Variants in FGF5 observed in about 807,000 individuals in gnomAD.
FGF5 encodes heparin-binding growth factor 5.
FGF5 carries 23 observed loss-of-function variants against 21.8 expected under a neutral mutation model. The ratio of observed to expected loss-of-function variants is 1.05; its 90% CI spans 0.76 to 1.49. FGF5 has a LOEUF of 1.49. Ranked by LOEUF, FGF5 falls within the 40% of genes most tolerant of loss-of-function variation. The pLI is 0.00. For missense variants in FGF5, 352 were observed against 332.9 expected (o/e 1.06, Z -0.45); for synonymous variants, 158 against 124.0 (o/e 1.27, Z -1.82).
intron 1 of FGF5, among the ~76,000 whole-genome samples, chr4:80,270,293 T>C (rs1000317588): frequency 2.0e-5 from 3 of 152,194 alleles, no homozygotes; most frequent in African/African-American, 7.2e-5. Context: ...TTAAACCTAA[T>C]AATATTCTGT....
intron 2 of FGF5, among the ~76,000 whole-genome samples, chr4:80,278,723 C>T (rs535689207): frequency 2.6e-5 from 4 of 152,070 alleles, no homozygotes; most frequent in Non-Finnish European, 4.4e-5. Context: ...ATGTGGGCTC[C>T]CTGGACTCAT....
intron 1 of FGF5, among the ~76,000 whole-genome samples, chr4:80,270,288 C>G (rs920115958): frequency 2.0e-5 from 3 of 152,154 alleles, no homozygotes; most frequent in Non-Finnish European, 4.4e-5. Context: ...TTATTTTAAA[C>G]CTAATAATAT....
rs1720823410 is a variant in FGF5, at chr4:80,289,051, T to C, written c.*2379T>C. Reference sequence around the variant, plus strand: ...GCTCTGTCACCAGGCTGGAGTGCAGTGGCATGATCTCGGCTCACTGCAACC... The same window carrying C: ...GCTCTGTCACCAGGCTGGAGTGCAGCGGCATGATCTCGGCTCACTGCAACC... On this transcript the variant is annotated 3_prime_UTR_variant, in exon 3 of 3. Coordinates refer to ENST00000312465, the MANE Select transcript of FGF5 (RefSeq NM_004464.4). The C allele has an allele frequency of 6.6e-6, 1 of 151,164 alleles. No individual in the cohort carries two copies. The highest frequency in any genetic ancestry group is 2.4e-5 in the African/African-American group (1 of 40,846). The allele number at this position is 151,164 out of a possible 1,614,324, so 9.4% of individuals were successfully genotyped here.
intron 2 of FGF5, among the ~76,000 whole-genome samples, chr4:80,283,979 C>T (rs1485738289): frequency 1.3e-5 from 2 of 152,086 alleles, no homozygotes; most frequent in African/African-American, 2.4e-5. Context: ...GACAAATCTA[C>T]AATGAATTTG....
At chr4:80,267,467 G>C (rs998030313) in intron 1 of FGF5, among the ~76,000 whole-genome samples, 1 of 152,284 alleles carries the variant, frequency 6.6e-6, no homozygotes, top group East Asian at 1.9e-4. Context: ...CCTCAAAGAC[G>C]AGTCCCCAGC....
chr4:80,268,379 C>T (rs1720161240), intron 1 of FGF5: 1 of 561,676 alleles, frequency 1.8e-6, no homozygotes, highest in Non-Finnish European at 2.3e-6. Context: ...CAGCAGCGCT[C>T]ACAGTCACCT....
intron 1 of FGF5, among the ~76,000 whole-genome samples, chr4:80,273,794 C>T (rs1429349020): frequency 6.6e-6 from 1 of 152,074 alleles, no homozygotes; most frequent in East Asian, 1.9e-4. Context: ...ATCCTTCAGC[C>T]TCAGCCTTCC....
rs75533157 is a variant in FGF5, at chr4:80,269,801, T to C, written c.355+2622T>C. Among the ~76,000 whole-genome samples, 161 of 151,968 alleles carry C rather than the reference T, an allele frequency of 1.1e-3. 1 individual carries two copies. The highest frequency in any genetic ancestry group is 6.8e-3 in the Middle Eastern group (2 of 294). On this transcript the variant is annotated intron_variant, in intron 1 of 2. Coordinates refer to ENST00000312465, the MANE Select transcript of FGF5 (RefSeq NM_004464.4). ...GTCTTCCATAGAGTTTTTTTTTTTT[T>C]CCCCAGAAGAAAGCATAGCAAATAT... is the stretch of plus-strand genomic sequence containing the variant.
chr4:80,286,735 G>A lies in FGF5; in HGVS notation c.*63G>A, dbSNP rs1720742864. 1.6e-6 allele frequency: 2 copies of A among 1,280,624 alleles called. No homozygotes were observed. Among genetic ancestry groups the A allele is most frequent in the African/African-American group, 3.0e-5 (2 of 66,570 alleles). 79.3% of individuals were successfully genotyped at this position (1,280,624 alleles called of 1,614,324 possible). ...TCAGGAGTTTCTATAGGTGTCTTCA[G>A]AGTTCTGAAGAAAAATTACTGGACA... is the stretch of plus-strand genomic sequence containing the variant. On this transcript the variant is annotated 3_prime_UTR_variant, in exon 3 of 3. Coordinates refer to ENST00000312465, the MANE Select transcript of FGF5 (RefSeq NM_004464.4).
At chr4:80,272,375 T>C (rs1207041369) in intron 1 of FGF5, among the ~76,000 whole-genome samples, 1 of 152,128 alleles carries the variant, frequency 6.6e-6, no homozygotes, top group African/African-American at 2.4e-5. Flanking sequence ...ATCTTCCCCA[T>C]ATTTAAAATA....
At chr4:80,278,186 T>C (rs1720465973) in intron 2 of FGF5, among the ~76,000 whole-genome samples, 1 of 152,200 alleles carries the variant, frequency 6.6e-6, no homozygotes, top group South Asian at 2.1e-4. Flanking sequence ...TAGAAATTAA[T>C]ATGTGCGTGA....
rs1720749784 is a variant in FGF5, at chr4:80,286,872, G to A, written c.*200G>A. The A allele has an allele frequency of 1.8e-6, 1 of 541,370 alleles. No individual in the cohort carries two copies. The allele number at this position is 541,370 out of a possible 1,614,324, so 33.5% of individuals were successfully genotyped here. A position where few individuals can be genotyped will look rare whatever the true frequency, so the allele number is the denominator to read the frequency against. On this transcript the variant is annotated 3_prime_UTR_variant, in exon 3 of 3. Transcript: ENST00000312465. ...CTGGAATTCTTTGTACTAATACAGG[G>A]AGCACACTCCTTCAGTTCAGCAAGA...
chr4:80,268,735 G>A (rs951452948), intron 1 of FGF5, among the ~76,000 whole-genome samples: 5 of 152,212 alleles, frequency 3.3e-5, no homozygotes, highest in Non-Finnish European at 5.9e-5. Flanking sequence ...TGGTGAGGGC[G>A]CCTGGAGCGC....
Position 80,287,450 on chromosome 4 carries a change from T to A in FGF5, c.*778T>A, listed in dbSNP as rs905172216. On this transcript the variant is annotated 3_prime_UTR_variant, in exon 3 of 3. Transcript: ENST00000312465. ...ATGGGTTAGAAGCAAGGAGAAAATA[T>A]AAGGACTTTTTGATGGAATTAAATG... is the stretch of plus-strand genomic sequence containing the variant. 6.6e-6 allele frequency: 1 copy of A among 152,170 alleles called. No homozygotes were observed. Among genetic ancestry groups the A allele is most frequent in the African/African-American group, 2.4e-5 (1 of 41,442 alleles). The allele number at this position is 152,170 out of a possible 1,614,324, so 9.4% of individuals were successfully genotyped here. A position where few individuals can be genotyped will look rare whatever the true frequency, so the allele number is the denominator to read the frequency against.
At chr4:80,271,440 C>A (rs574343125) in intron 1 of FGF5, among the ~76,000 whole-genome samples, 2 of 152,096 alleles carry the variant, frequency 1.3e-5, no homozygotes, top group Non-Finnish European at 2.9e-5. Context: ...TCTTTTGACC[C>A]TCTTAAATGG....
At chr4:80,278,757 C>T (rs556406991) in intron 2 of FGF5, among the ~76,000 whole-genome samples, 1 of 152,298 alleles carries the variant, frequency 6.6e-6, no homozygotes, top group African/African-American at 2.4e-5. Context: ...CTACAGGCAG[C>T]TCTCCTTCAA....
Position 80,287,237 on chromosome 4 carries a change from T to C in FGF5, c.*565T>C, listed in dbSNP as rs1720761053. On this transcript the variant is annotated 3_prime_UTR_variant, in exon 3 of 3. Transcript: ENST00000312465. ...TTGTAATATGGAAATCTTTTACATT[T>C]TTCCTATTCACTGCACTTTTTTATT... The C allele has an allele frequency of 6.6e-6, 1 of 152,228 alleles. No individual in the cohort carries two copies. The highest frequency in any genetic ancestry group is 2.4e-5 in the African/African-American group (1 of 41,462). 9.4% of individuals were successfully genotyped at this position (152,228 alleles called of 1,614,324 possible).
At chr4:80,274,485 A>C (rs1414999556) in intron 1 of FGF5, among the ~76,000 whole-genome samples, 1 of 152,088 alleles carries the variant, frequency 6.6e-6, no homozygotes, top group African/African-American at 2.4e-5. Context: ...CAGACTTTCA[A>C]ATAGTTATAC....
chr4:80,275,652 C>A (rs34301837), intron 2 of FGF5, among the ~76,000 whole-genome samples: 3,121 of 152,054 alleles, frequency 0.021, 47 homozygotes, highest in Non-Finnish European at 0.03. Context: ...AATCAATTCA[C>A]AAACTATTTA....
Sources: allele counts gnomAD v4.1 joint callset (sites outside exome capture counted in the v4.1 genomes callset), GRCh38; gene constraint gnomAD v4.1.1; transcripts MANE v1.5; gene names NCBI Gene and HGNC (gene_info 2026-07-23, HGNC 2026-07-21).